The following MYPN variants were observed in gnomAD, a reference collection of about 807,000 sequenced individuals.
MYPN encodes sarcomeric protein myopalladin, 145 kDa (MYOP).
Under a neutral mutation model 129.4 loss-of-function variants are expected in MYPN, and 63 were observed. That is an observed-to-expected ratio of 0.49 (90% CI 0.40 to 0.60). The LOEUF is 0.60. Ranked by LOEUF, MYPN falls within the 20% of genes least tolerant of loss-of-function variation. The probability of loss-of-function intolerance (pLI) is 0.00; values close to 1 mark genes in which losing one functional copy is unlikely to be tolerated. For missense variants in MYPN, 1,596 were observed against 1,635.4 expected, an observed-to-expected ratio of 0.98 and a Z score of 0.42; for synonymous variants, 629 against 600.9, an observed-to-expected ratio of 1.05 and a Z score of -0.68.
At chr10:68,121,325 C>A in intron 1 of MYPN, 113 bp from the exon 2 acceptor site, 2 of 879,004 alleles carry the variant, frequency 2.3e-6, no homozygotes, top group Non-Finnish European at 3.4e-6. Flanking sequence ...TAAAATTAGG[C>A]AATTCTTTAT....
chr10:68,170,922 G>A (rs2043134101), intron 10 of MYPN, among the ~76,000 whole-genome samples: 1 of 152,164 alleles, frequency 6.6e-6, no homozygotes, highest in African/African-American at 2.4e-5. Flanking sequence ...GCCAAGGCAG[G>A]TGGATCACTT....
chr10:68,167,492 T>C lies in MYPN; in HGVS notation c.1973+826T>C, dbSNP rs61854647. 7.2e-3 allele frequency among the ~76,000 whole-genome samples: 1,097 copies of C among 152,338 alleles called. 9 individuals carry two copies. Among genetic ancestry groups the C allele is most frequent in the Admixed American group, 0.015 (227 of 15,302 alleles). On this transcript the variant is annotated intron_variant, in intron 10 of 19. Transcript: ENST00000358913. Reference sequence around the variant, plus strand: ...GTTGCCCTGACTCTCTAGAAAGCCATGTTGCAATGTTTAAAATGTCCATCC... The same window carrying C: ...GTTGCCCTGACTCTCTAGAAAGCCACGTTGCAATGTTTAAAATGTCCATCC...
At chr10:68,123,160 A>C (rs925755513) in intron 2 of MYPN, among the ~76,000 whole-genome samples, 3 of 149,502 alleles carry the variant, frequency 2.0e-5, no homozygotes, top group Admixed American at 2.0e-4. Flanking sequence ...AGATCACTTG[A>C]GGTCAGGAGT....
chr10:68,121,533 G>T lies in MYPN; in HGVS notation c.95G>T (p.Arg32Met). 1 of 1,614,196 alleles carries T rather than the reference G, an allele frequency of 6.2e-7. No homozygotes were observed. ...AETRHRGNNE[R>M]SRAEPSSNPC... is the part of the protein sequence containing the mutation. The stretch of plus-strand genomic sequence containing the variant: ...ACCAGACATCGGGGAAACAATGAGA[G>T]GAGTCGAGCGGAGCCCTCCTCCAAC... Residue 32 changes from arginine (R) to methionine (M), a missense_variant, in exon 2 of 20, where the codon AGG (arginine) becomes ATG (methionine). Coordinates refer to ENST00000358913, the MANE Select transcript of MYPN (RefSeq NM_032578.4).
intron 12 of MYPN, among the ~76,000 whole-genome samples, chr10:68,185,998 T>G (rs140186316): frequency 6.6e-6 from 1 of 152,340 alleles, no homozygotes; most frequent in Admixed American, 6.5e-5. Flanking sequence ...AATGTCAGTT[T>G]CACATGGTTC....
intron 12 of MYPN, among the ~76,000 whole-genome samples, chr10:68,178,244 C>A (rs907054955): frequency 4.6e-5 from 7 of 152,208 alleles, no homozygotes; most frequent in Non-Finnish European, 8.8e-5. Context: ...TCTAAACTTA[C>A]AACAAAGTGT....
chr10:68,194,294 C>T (rs1348640173), intron 13 of MYPN, 69 bp from the exon 14 acceptor site: 2 of 1,569,424 alleles, frequency 1.3e-6, no homozygotes, highest in Non-Finnish European at 1.7e-6. Context: ...TTTCCTCACC[C>T]CAGACCCTAG....
intron 12 of MYPN, among the ~76,000 whole-genome samples, chr10:68,187,428 T>C (rs1262904566): frequency 6.6e-6 from 1 of 152,216 alleles, no homozygotes; most frequent in East Asian, 1.9e-4. Flanking sequence ...TTTATTTTAC[T>C]TTACAAAAGT....
At chr10:68,192,375 C>T (rs892765373) in intron 13 of MYPN, among the ~76,000 whole-genome samples, 11 of 152,092 alleles carry the variant, frequency 7.2e-5, no homozygotes, top group East Asian at 1.9e-4. Flanking sequence ...ATAATCTTTT[C>T]GATGTGTTGT....
At chr10:68,208,663 C>G (rs2043856005) in intron 19 of MYPN, among the ~76,000 whole-genome samples, 1 of 152,170 alleles carries the variant, frequency 6.6e-6, no homozygotes, top group South Asian at 2.1e-4. Flanking sequence ...TTTGCCCTGG[C>G]TCTCCTCTCC....
chr10:68,197,591 G>T, intron 16 of MYPN, 113 bp downstream of exon 16: 1 of 1,330,778 alleles, frequency 7.5e-7, no homozygotes. Flanking sequence ...AAGATGAGAT[G>T]GGGAAGGGAG....
rs530011682 is a variant in MYPN at position 68,143,077 on chromosome 10, A to G, written c.1040A>G (p.Tyr347Cys). The G allele has an allele frequency of 2.5e-6, 4 of 1,614,084 alleles. No homozygotes were observed. The highest frequency in any genetic ancestry group is 4.5e-5 in the East Asian group (2 of 44,868). The change falls in exon 3 of 20, where the codon TAT becomes TGT. Residue 347 changes from tyrosine to cysteine, a missense_variant. By Grantham distance (194) the Tyr-to-Cys change is radical. Transcript: ENST00000358913. Reference sequence around the variant, plus strand: ...TATTCCTGCTTTGCTTCTAACATCTATGGGACAGATTCGACTTCTGCTGAG... The same window carrying G: ...TATTCCTGCTTTGCTTCTAACATCTGTGGGACAGATTCGACTTCTGCTGAG... ...GRYSCFASNI[Y>C]GTDSTSAEIY...
chr10:68,144,884 G>A (rs2635994), intron 3 of MYPN, among the ~76,000 whole-genome samples: 26,008 of 152,116 alleles, frequency 0.17, 3,760 homozygotes, highest in African/African-American at 0.39. Flanking sequence ...TTTTACATAT[G>A]TGAACGCTTA....
chr10:68,161,473 C>T (rs1027211762), intron 7 of MYPN, among the ~76,000 whole-genome samples: 1 of 151,700 alleles, frequency 6.6e-6, no homozygotes, highest in Non-Finnish European at 1.5e-5. Flanking sequence ...TGAGATCGTG[C>T]CATTGCACTC....
chr10:68,199,601 A>C, intron 17 of MYPN, 26 bp downstream of exon 17: 1 of 1,606,982 alleles, frequency 6.2e-7, no homozygotes. Context: ...GGGACCCCTA[A>C]ACACAACTTC....
chr10:68,174,194 C>T lies in MYPN; in HGVS notation c.2102C>T (p.Pro701Leu), dbSNP rs1352696511. ...ACTGTTTTGAACTCCAATGCTCCCC[C>T]AGCGGTGACAACATCCAGTAAGCAG... ...SMTVLNSNAP[P>L]AVTTSSKQVK... is the part of the protein sequence containing the mutation. The change falls in exon 11 of 20, where the codon CCA (proline) becomes CTA (leucine). Residue 701 changes from proline to leucine, a missense_variant. Pro to Leu is a moderately conservative substitution (Grantham distance 98). Coordinates refer to ENST00000358913, the MANE Select transcript of MYPN (RefSeq NM_032578.4). The T allele has an allele frequency of 1.2e-6, 2 of 1,613,956 alleles. No homozygotes were observed. Among genetic ancestry groups the T allele is most frequent in the African/African-American group, 2.7e-5 (2 of 74,912 alleles).
chr10:68,199,216 T>C lies in MYPN; in HGVS notation c.3286-152T>C, dbSNP rs1373536312. 5 of 767,676 alleles carry C rather than the reference T, an allele frequency of 6.5e-6. No homozygotes were observed. The African/African-American group carries it at 8.6e-5, about 13-fold the overall frequency. 47.6% of individuals were successfully genotyped at this position (767,676 alleles called of 1,614,324 possible). ...TCATGCAGCTGTTTATTCAGACTCT[T>C]CGTTTCTCTCGATGCCCCTACAGAG... On this transcript the variant is annotated intron_variant, in intron 16 of 19. Transcript: ENST00000358913.
upstream of MYPN, among the ~76,000 whole-genome samples, chr10:68,107,065 TATA>T (rs2042020515): frequency 1.3e-5 from 2 of 152,262 alleles, 1 homozygote; most frequent in South Asian, 4.1e-4. Context: ...AGGTTTGTGA[TATA>T]ATGTTTATAC....
chr10:68,154,100 A>G (rs891474525), intron 6 of MYPN, among the ~76,000 whole-genome samples: 5 of 152,104 alleles, frequency 3.3e-5, no homozygotes, highest in African/African-American at 1.2e-4. Context: ...CTAGTTCACT[A>G]CTCTACTCAT....
Sources: gnomAD v4.1 joint callset for allele counts (sites outside exome capture counted in the v4.1 genomes callset) on GRCh38, gnomAD v4.1.1 for gene constraint, MANE v1.5 for transcripts, NCBI Gene and HGNC (gene_info 2026-07-23, HGNC 2026-07-21) for gene names.